NUP188: variants seen among roughly 807,000 people sequenced by gnomAD.
The protein encoded by NUP188 is nucleoporin 188, also known as nucleoporin NUP188.
A neutral mutation model predicts 223.0 loss-of-function variants in NUP188; 97 were observed. The observed-to-expected ratio is 0.43, with a 90% CI of 0.37 to 0.51. The LOEUF (loss-of-function observed/expected upper bound fraction) is 0.51, where lower values mean the gene tolerates loss of function less well. Among genes scored for constraint, NUP188 ranks in the 20% least tolerant of loss-of-function variants. NUP188 has a pLI of 0.00. For missense variants in NUP188, 1,947 were observed against 2,175.6 expected, an observed-to-expected ratio of 0.89 and a Z score of 2.09; for synonymous variants, 869 against 828.0, an observed-to-expected ratio of 1.05 and a Z score of -0.85.
intron 34 of NUP188, among the ~76,000 whole-genome samples, chr9:129,000,883 A>C (rs1448071433): frequency 1.3e-5 from 2 of 151,718 alleles, no homozygotes; most frequent in Admixed American, 6.6e-5. Context: ...TGAAAAATAC[A>C]AAAAATTAGC....
At chr9:128,985,196 G>T in intron 20 of NUP188, 182 bp downstream of exon 20, 1 of 544,398 alleles carries the variant, frequency 1.8e-6, no homozygotes, top group South Asian at 2.5e-5. Context: ...TGCCAGTTAT[G>T]TACTCTATTA....
rs1170833370 is a variant in NUP188 at position 128,959,217 on chromosome 9, A to G, written c.585+83A>G. Reference sequence around the variant, plus strand: ...GTCACCCAGGCTGGAGTGCAGTGGCATGATCTCGGCTCACTGCAACCTCCA... The same window carrying G: ...GTCACCCAGGCTGGAGTGCAGTGGCGTGATCTCGGCTCACTGCAACCTCCA... On this transcript the variant is annotated intron_variant, in intron 8 of 43. Transcript: ENST00000372577. 2.1e-5 allele frequency: 23 copies of G among 1,105,458 alleles called. 1 individual carries two copies. Among genetic ancestry groups the G allele is most frequent in the Non-Finnish European group, 2.8e-5 (22 of 799,348 alleles). 68.5% of individuals were successfully genotyped at this position (1,105,458 alleles called of 1,614,324 possible). A position where few individuals can be genotyped will look rare whatever the true frequency, so the allele number is the denominator to read the frequency against.
chr9:128,959,148 G>A lies in NUP188; in HGVS notation c.585+14G>A. 6.4e-7 allele frequency: 1 copy of A among 1,560,808 alleles called. No individual in the cohort carries two copies. Among genetic ancestry groups the A allele is most frequent in the Non-Finnish European group, 8.6e-7 (1 of 1,156,262 alleles). The stretch of plus-strand genomic sequence containing the variant: ...GGAAATCTCATGGTATGTGGTTACT[G>A]TGCTCTCCTGTAACTTTTTTTTTTT... On this transcript the variant is annotated intron_variant, in intron 8 of 43. Coordinates refer to ENST00000372577, the MANE Select transcript of NUP188 (RefSeq NM_015354.3).
At chr9:128,998,065 A>G (rs552176574) in intron 30 of NUP188, 86 bp from the exon 31 acceptor site, 6 of 902,206 alleles carry the variant, frequency 6.7e-6, no homozygotes, top group East Asian at 2.4e-5. Context: ...ACCAATGACT[A>G]ATTGCCTAGC....
At chr9:128,958,077 A>G (rs1564550707) in intron 6 of NUP188, 23 bp downstream of exon 6, 3 of 1,598,214 alleles carry the variant, frequency 1.9e-6, no homozygotes, top group Admixed American at 1.7e-5. Context: ...CACCATTTCT[A>G]TTCTTTGATG....
chr9:128,955,859 A>C (rs1186389026), intron 3 of NUP188, among the ~76,000 whole-genome samples: 1 of 151,480 alleles, frequency 6.6e-6, no homozygotes, highest in Non-Finnish European at 1.5e-5. Flanking sequence ...GAGTATTATA[A>C]ATTCTAGGCC....
Position 129,006,954 on chromosome 9 carries a change from C to T in NUP188, c.*276C>T, listed in dbSNP as rs1588300714. 5.5e-6 allele frequency: 2 copies of T among 364,682 alleles called. No homozygotes were observed. The highest frequency in any genetic ancestry group is 6.7e-5 in the South Asian group (1 of 14,864). The allele number at this position is 364,682 out of a possible 1,614,324, so 22.6% of individuals were successfully genotyped here. A position where few individuals can be genotyped will look rare whatever the true frequency, so the allele number is the denominator to read the frequency against. ...TTTCCTTCCTTTCCAGCATTCCCCA[C>T]AGCACTGCCGGCCAGGGGAGAGGCG... On this transcript the variant is annotated 3_prime_UTR_variant, in exon 44 of 44. Coordinates refer to ENST00000372577, the MANE Select transcript of NUP188 (RefSeq NM_015354.3).
intron 23 of NUP188, 93 bp from the exon 24 acceptor site, chr9:128,987,954 G>T: frequency 1.4e-6 from 2 of 1,431,916 alleles, no homozygotes. Flanking sequence ...TTGAACTCTG[G>T]GATTATTGTT....
chr9:128,976,776 A>G (rs530233084), intron 12 of NUP188, among the ~76,000 whole-genome samples: 1 of 151,778 alleles, frequency 6.6e-6, no homozygotes, highest in East Asian at 1.9e-4. Context: ...CACCTGGAGG[A>G]TTGGTATTAA....
chr9:128,984,020 C>A (rs1000463436), intron 19 of NUP188, among the ~76,000 whole-genome samples: 5 of 151,780 alleles, frequency 3.3e-5, no homozygotes, highest in Non-Finnish European at 5.9e-5. Flanking sequence ...CGAGGTCTTA[C>A]CATGTTGGTC....
chr9:128,981,817 G>A (rs1842258213), intron 15 of NUP188, among the ~76,000 whole-genome samples: 1 of 152,160 alleles, frequency 6.6e-6, no homozygotes, highest in African/African-American at 2.4e-5. Flanking sequence ...GCTCACGCCT[G>A]TAATCCCAAC....
intron 36 of NUP188, among the ~76,000 whole-genome samples, 157 bp downstream of exon 36, chr9:129,002,133 C>A (rs1422802149): frequency 6.6e-6 from 1 of 152,240 alleles, no homozygotes; most frequent in Non-Finnish European, 1.5e-5. Flanking sequence ...GGATCTCTAG[C>A]AAGAGAAACT....
Position 128,983,496 on chromosome 9 carries a change from C to T in NUP188, c.1907C>T (p.Thr636Ile). Reference sequence around the variant, plus strand: ...CAGGTCTGGACTGATCTTCGTCACACAGGTTTTTTACCATTTGTGGCCCAT... The same window carrying T: ...CAGGTCTGGACTGATCTTCGTCACATAGGTTTTTTACCATTTGTGGCCCAT... Reference protein sequence around the residue: ...PAKVWTDLRHTGFLPFVAHPV... With the variant: ...PAKVWTDLRHIGFLPFVAHPV... The change falls in exon 19 of 44, where the codon ACA becomes ATA. Residue 636 changes from threonine to isoleucine, a missense_variant. By Grantham distance (89) the Thr-to-Ile change is moderately conservative. Coordinates refer to ENST00000372577, the MANE Select transcript of NUP188 (RefSeq NM_015354.3). 1 of 1,614,122 alleles carries T rather than the reference C, an allele frequency of 6.2e-7. No individual in the cohort carries two copies. Among genetic ancestry groups the T allele is most frequent in the Non-Finnish European group, 8.5e-7 (1 of 1,180,022 alleles).
At chr9:128,973,116 G>T in intron 11 of NUP188, 44 bp from the exon 12 acceptor site, 1 of 1,261,846 alleles carries the variant, frequency 7.9e-7, no homozygotes. Context: ...CTGGGGAAGA[G>T]TTGTATTACT....
In NUP188 at chr9:128,950,527, C is replaced by T. The variant is rs2131134493; in HGVS notation, c.87+1284C>T. On this transcript the variant is annotated intron_variant, in intron 2 of 43. Coordinates refer to ENST00000372577, the MANE Select transcript of NUP188 (RefSeq NM_015354.3). Reference sequence around the variant, plus strand: ...TGAGCCACTGTGCCTGGTATAAACACTTTTTTTTTGTTCCTAAAACTTTAT... The same window carrying T: ...TGAGCCACTGTGCCTGGTATAAACATTTTTTTTTTGTTCCTAAAACTTTAT... 2.0e-5 allele frequency among the ~76,000 whole-genome samples: 3 copies of T among 151,828 alleles called. 1 individual carries two copies. In the South Asian group the frequency reaches 6.2e-4, roughly 32 times the overall value.
chr9:128,987,953 G>A, intron 23 of NUP188, 94 bp from the exon 24 acceptor site: 1 of 1,425,956 alleles, frequency 7.0e-7, no homozygotes, highest in South Asian at 1.3e-5. Context: ...GTTGAACTCT[G>A]GGATTATTGT....
chr9:129,003,233 T>C, intron 37 of NUP188, 84 bp from the exon 38 acceptor site: 1 of 1,491,558 alleles, frequency 6.7e-7, no homozygotes, highest in South Asian at 1.2e-5. Flanking sequence ...GCCTGGGACG[T>C]TGCCTCTCCA....
At chr9:129,001,398 T>A (rs1044426841) in intron 34 of NUP188, 131 bp from the exon 35 acceptor site, 2 of 731,168 alleles carry the variant, frequency 2.7e-6, no homozygotes, top group Non-Finnish European at 4.8e-6. Flanking sequence ...GTGTGCATTC[T>A]GTGTTACTCA....
intron 11 of NUP188, among the ~76,000 whole-genome samples, chr9:128,972,045 T>C (rs1842112312): frequency 6.6e-6 from 1 of 152,216 alleles, no homozygotes; most frequent in Admixed American, 6.5e-5. Flanking sequence ...GTTCTGGGAT[T>C]ACAGGTGTGA....
Sources: gnomAD v4.1 joint callset for allele counts (sites outside exome capture counted in the v4.1 genomes callset) on GRCh38, gnomAD v4.1.1 for gene constraint, MANE v1.5 for transcripts, NCBI Gene and HGNC (gene_info 2026-07-23, HGNC 2026-07-21) for gene names.